SRGAP3: variants seen among roughly 807,000 people sequenced by gnomAD.
SRGAP3 encodes SLIT-ROBO Rho GTPase-activating protein 3.
SRGAP3 carries 39 observed loss-of-function variants against 121.1 expected under a neutral mutation model. The observed-to-expected ratio is 0.32, with a 90% CI of 0.25 to 0.42. The LOEUF (loss-of-function observed/expected upper bound fraction) is 0.42, where lower values mean the gene tolerates loss of function less well. Ranked by LOEUF, SRGAP3 falls within the 10% of genes least tolerant of loss-of-function variation. The pLI is 1.00. For synonymous variants in SRGAP3, 601 were observed against 570.0 expected (o/e 1.05, Z -0.77); for missense variants, 1,213 against 1,470.6 (o/e 0.82, Z 2.86).
At chr3:9,012,672 G>T (rs1943434621) in intron 17 of SRGAP3, among the ~76,000 whole-genome samples, 1 of 152,164 alleles carries the variant, frequency 6.6e-6, no homozygotes, top group Non-Finnish European at 1.5e-5. Context: ...GTCACAGTCA[G>T]TTCATGAAGT....
chr3:9,019,355 C>T (rs973184879), intron 14 of SRGAP3, among the ~76,000 whole-genome samples: 2 of 152,220 alleles, frequency 1.3e-5, no homozygotes, highest in East Asian at 3.8e-4. Flanking sequence ...TTTCCACAGC[C>T]CTGCCCCTGG....
intron 14 of SRGAP3, among the ~76,000 whole-genome samples, chr3:9,022,974 C>A (rs529180786): frequency 2.6e-5 from 4 of 152,332 alleles, no homozygotes. Context: ...CCCTGCAAAG[C>A]ACCAAAGCAA....
intron 20 of SRGAP3, among the ~76,000 whole-genome samples, chr3:8,991,781 G>T (rs1942069617): frequency 6.6e-6 from 1 of 152,132 alleles, no homozygotes; most frequent in Admixed American, 6.5e-5. Context: ...TTATGACTAG[G>T]GACCACCAGT....
At chr3:9,159,341 C>T (rs1022334602) in intron 1 of SRGAP3, among the ~76,000 whole-genome samples, 4 of 152,184 alleles carry the variant, frequency 2.6e-5, no homozygotes, top group Non-Finnish European at 5.9e-5. Flanking sequence ...GGGGCCAATG[C>T]TTCAAATCAC....
Position 8,983,672 on chromosome 3 carries a change from G to C in SRGAP3, c.*1847C>G. The C allele has an allele frequency of 4.3e-6, 1 of 231,544 alleles. No homozygotes were observed. Among genetic ancestry groups the C allele is most frequent in the East Asian group, 6.1e-5 (1 of 16,342 alleles). 14.3% of individuals were successfully genotyped at this position (231,544 alleles called of 1,614,324 possible). A position where few individuals can be genotyped will look rare whatever the true frequency, so the allele number is the denominator to read the frequency against. On this transcript the variant is annotated 3_prime_UTR_variant, in exon 22 of 22. Transcript: ENST00000383836. ...TCAAAAAGAAGGGCTGGAGGGCTCT[G>C]ATCTAAGACTTACCTTACTAATGAT...
At chr3:9,021,939 T>C (rs1215763183) in intron 14 of SRGAP3, among the ~76,000 whole-genome samples, 2 of 152,042 alleles carry the variant, frequency 1.3e-5, no homozygotes, top group East Asian at 1.9e-4. Context: ...CCAGGCATGA[T>C]GGCACACACC....
intron 1 of SRGAP3, among the ~76,000 whole-genome samples, chr3:9,201,313 C>T (rs115487097): frequency 0.014 from 2,062 of 152,276 alleles, 48 homozygotes; most frequent in East Asian, 0.071. Flanking sequence ...CATCCACTGG[C>T]CACTGACCCA....
chr3:9,205,321 T>C (rs756565508), intron 1 of SRGAP3, among the ~76,000 whole-genome samples: 2 of 152,278 alleles, frequency 1.3e-5, no homozygotes, highest in Admixed American at 6.5e-5. Flanking sequence ...ATATTTTCTA[T>C]TCTTTTTATT....
intron 1 of SRGAP3, among the ~76,000 whole-genome samples, chr3:9,182,836 T>G (rs1207108171): frequency 1.3e-5 from 2 of 151,822 alleles, no homozygotes; most frequent in South Asian, 2.1e-4. Context: ...TTAAAAAATT[T>G]TATAGAGATG....
At chr3:9,311,685 T>G (rs1338913829) in intron 3 of SRGAP3, among the ~76,000 whole-genome samples, 2 of 152,202 alleles carry the variant, frequency 1.3e-5, no homozygotes, top group African/African-American at 4.8e-5. Context: ...GTAAAAGCCC[T>G]TCTTAGAACT....
intron 1 of SRGAP3, among the ~76,000 whole-genome samples, chr3:9,246,381 A>G (rs1953824906): frequency 1.3e-5 from 2 of 152,200 alleles, no homozygotes; most frequent in African/African-American, 4.8e-5. Flanking sequence ...CAACAAAGGC[A>G]ACGGGATGAA....
At chr3:9,185,451 A>T (rs1264764437) in intron 1 of SRGAP3, among the ~76,000 whole-genome samples, 1 of 152,164 alleles carries the variant, frequency 6.6e-6, no homozygotes, top group Non-Finnish European at 1.5e-5. Flanking sequence ...GAAGGGAGGC[A>T]TATCAATGGC....
At chr3:9,112,953 G>A (rs894638300) in intron 2 of SRGAP3, among the ~76,000 whole-genome samples, 4 of 152,226 alleles carry the variant, frequency 2.6e-5, no homozygotes, top group Non-Finnish European at 5.9e-5. Flanking sequence ...AGAAGGATGG[G>A]TAGGTTTTAA....
intron 1 of SRGAP3, among the ~76,000 whole-genome samples, chr3:9,237,611 C>A (rs1314849469): frequency 6.6e-6 from 1 of 152,182 alleles, no homozygotes; most frequent in South Asian, 2.1e-4. Flanking sequence ...AAGTGGCAAT[C>A]CAGGGCAAGA....
chr3:9,302,727 T>G (rs946400915), intron 3 of SRGAP3, among the ~76,000 whole-genome samples: 1 of 152,082 alleles, frequency 6.6e-6, no homozygotes, highest in Non-Finnish European at 1.5e-5. Flanking sequence ...GCGGGGTGGG[T>G]CTTGGCCGGA....
intron 1 of SRGAP3, among the ~76,000 whole-genome samples, chr3:9,154,515 C>T (rs1950336127): frequency 1.3e-5 from 2 of 152,056 alleles, no homozygotes; most frequent in African/African-American, 2.4e-5. Context: ...CTCAAGGCCC[C>T]ACCCCACTCC....
rs535415471 is a variant in SRGAP3 at position 9,119,048 on chromosome 3, G to A, written c.260+5677C>T. Among the ~76,000 whole-genome samples the A allele has an allele frequency of 5.5e-4, 84 of 152,232 alleles. 1 individual carries two copies. The South Asian group carries it at 0.016, about 28-fold the overall frequency. On this transcript the variant is annotated intron_variant, in intron 2 of 21. Coordinates refer to ENST00000383836, the MANE Select transcript of SRGAP3 (RefSeq NM_014850.4). ...CCCTGTGAGAGGTGCTAGGGACCCC[G>A]GGTCAAGAGTCACCCTCTCTGCCAT...
At chr3:9,055,567 C>T (rs1393811051) in intron 8 of SRGAP3, among the ~76,000 whole-genome samples, 1 of 152,214 alleles carries the variant, frequency 6.6e-6, no homozygotes, top group African/African-American at 2.4e-5. Flanking sequence ...GGGAGGGAGG[C>T]TGGGCCTGGT....
At chr3:9,315,442 T>C (rs1010300505) in intron 3 of SRGAP3, among the ~76,000 whole-genome samples, 1 of 152,162 alleles carries the variant, frequency 6.6e-6, no homozygotes, top group Non-Finnish European at 1.5e-5. Context: ...TGTCTTCCAG[T>C]CCTGGAGCTG....
Sources: gnomAD v4.1 joint callset for allele counts (sites outside exome capture counted in the v4.1 genomes callset) on GRCh38, gnomAD v4.1.1 for gene constraint, MANE v1.5 for transcripts, NCBI Gene and HGNC (gene_info 2026-07-23, HGNC 2026-07-21) for gene names.